Variants in MOSMO observed in about 807,000 individuals in gnomAD.
MOSMO encodes the protein modulator of smoothened protein.
A neutral mutation model predicts 18.4 loss-of-function variants in MOSMO; 5 were observed. The observed-to-expected ratio is 0.27, with a 90% CI of 0.14 to 0.57. The LOEUF (loss-of-function observed/expected upper bound fraction) is 0.57, where lower values mean the gene tolerates loss of function less well. MOSMO is among the 20% of genes least tolerant of loss of function. The probability of loss-of-function intolerance (pLI) is 0.92; values close to 1 mark genes in which losing one functional copy is unlikely to be tolerated. For synonymous variants in MOSMO, 82 were observed against 82.3 expected, an observed-to-expected ratio of 1.00 and a Z score of 0.02; for missense variants, 138 against 211.8, an observed-to-expected ratio of 0.65 and a Z score of 2.16.
chr16:22,024,658 C>T (rs1899839319), intron 1 of MOSMO, among the ~76,000 whole-genome samples: 1 of 152,104 alleles, frequency 6.6e-6, no homozygotes, highest in South Asian at 2.1e-4. Context: ...AGCCACTGCG[C>T]CTGGCCGAAA....
Position 22,053,628 on chromosome 16 carries a change from C to T in MOSMO, c.107-21859C>T, listed in dbSNP as rs941156040. ...GACCAGCCTGGCCAACATGGTGAAA[C>T]CCTTTCTCTACTAAAAATACAAACA... On this transcript the variant is annotated intron_variant, in intron 1 of 2. Coordinates refer to ENST00000542527, the MANE Select transcript of MOSMO (RefSeq NM_001164579.2). Among the ~76,000 whole-genome samples the T allele has an allele frequency of 2.6e-5, 4 of 152,078 alleles. No individual in the cohort carries two copies. The East Asian group carries it at 7.8e-4, about 30-fold the overall frequency.
chr16:22,039,600 G>A (rs1245808653), intron 1 of MOSMO, among the ~76,000 whole-genome samples: 1 of 152,212 alleles, frequency 6.6e-6, no homozygotes, highest in African/African-American at 2.4e-5. Flanking sequence ...GGGGGGCCAA[G>A]GTGGGAGGAT....
intron 1 of MOSMO, among the ~76,000 whole-genome samples, chr16:22,021,974 A>G (rs1263321796): frequency 1.3e-5 from 2 of 152,128 alleles, no homozygotes; most frequent in Non-Finnish European, 2.9e-5. Context: ...ATTAAAGTTA[A>G]TATATCTGAA....
Position 22,050,725 on chromosome 16 carries a change from T to A in MOSMO, c.107-24762T>A, listed in dbSNP as rs188699810. ...GGGGGACCCCATCTCCTTAAAAAAA[T>A]TTTTTTAAGTAGATGGATGTGGTGG... On this transcript the variant is annotated intron_variant, in intron 1 of 2. Coordinates refer to ENST00000542527, the MANE Select transcript of MOSMO (RefSeq NM_001164579.2). Among the ~76,000 whole-genome samples, 893 of 151,752 alleles carry A rather than the reference T, an allele frequency of 5.9e-3. 23 individuals are homozygous for A. Among genetic ancestry groups the A allele is most frequent in the Non-Finnish European group, 2.5e-3 (170 of 67,870 alleles).
intron 1 of MOSMO, among the ~76,000 whole-genome samples, chr16:22,049,443 A>T (rs1900380347): frequency 6.6e-6 from 1 of 152,120 alleles, no homozygotes. Flanking sequence ...TTCTTTGGTT[A>T]CTGGAAAGAC....
chr16:22,045,792 A>G (rs1331690065), intron 1 of MOSMO, among the ~76,000 whole-genome samples: 1 of 152,042 alleles, frequency 6.6e-6, no homozygotes, highest in Non-Finnish European at 1.5e-5. Flanking sequence ...GTAGTAACTC[A>G]TTTTGATTTC....
At chr16:22,012,249 G>C (rs1899547158) in intron 1 of MOSMO, among the ~76,000 whole-genome samples, 1 of 152,140 alleles carries the variant, frequency 6.6e-6, no homozygotes, top group South Asian at 2.1e-4. Flanking sequence ...CTAAGGGAAA[G>C]TTTCAGAATT....
chr16:22,008,719 G>T (rs1899448673), intron 1 of MOSMO, among the ~76,000 whole-genome samples: 1 of 149,514 alleles, frequency 6.7e-6, no homozygotes, highest in Non-Finnish European at 1.5e-5. Flanking sequence ...GTGAGGGATC[G>T]CAGAGGAATG....
chr16:22,061,711 C>G (rs1227843537), intron 1 of MOSMO, among the ~76,000 whole-genome samples: 3 of 152,194 alleles, frequency 2.0e-5, no homozygotes, highest in Non-Finnish European at 4.4e-5. Context: ...TGGTGTGGTG[C>G]TAGGCTTCTC....
At chr16:22,076,775 C>G (rs1423557143) in intron 2 of MOSMO, among the ~76,000 whole-genome samples, 1 of 152,160 alleles carries the variant, frequency 6.6e-6, no homozygotes, top group Non-Finnish European at 1.5e-5. Context: ...GAGTGATATT[C>G]CTTCATGAGC....
rs1268884037 is a variant in MOSMO at position 22,008,223 on chromosome 16, C to T, written c.-79C>T. On this transcript the variant is annotated 5_prime_UTR_variant, in exon 1 of 3. Coordinates refer to ENST00000542527, the MANE Select transcript of MOSMO (RefSeq NM_001164579.2). The stretch of plus-strand genomic sequence containing the variant: ...GCAGCGGCGCGGGGACTCCGGGCCC[C>T]GGCGGCGGCCCATGGGGCGGGAGGC... 4.0e-6 allele frequency: 3 copies of T among 745,566 alleles called. No individual in the cohort carries two copies. The highest frequency in any genetic ancestry group is 2.6e-5 in the South Asian group (1 of 38,472). The allele number at this position is 745,566 out of a possible 1,614,324, so 46.2% of individuals were successfully genotyped here.
intron 1 of MOSMO, among the ~76,000 whole-genome samples, chr16:22,025,660 G>C (rs1484685569): frequency 1.3e-5 from 2 of 152,182 alleles, no homozygotes; most frequent in Non-Finnish European, 2.9e-5. Flanking sequence ...CTCTCTTAAT[G>C]ATGGGATATA....
intron 1 of MOSMO, among the ~76,000 whole-genome samples, chr16:22,023,181 CAT>C (rs1159204737): frequency 6.6e-6 from 1 of 152,128 alleles, no homozygotes; most frequent in Non-Finnish European, 1.5e-5. Flanking sequence ...TGTAGACAGT[CAT>C]ATATCAGCCT....
intron 1 of MOSMO, among the ~76,000 whole-genome samples, chr16:22,072,476 TCTGA>T (rs1900874190): frequency 6.6e-6 from 1 of 152,216 alleles, no homozygotes; most frequent in African/African-American, 2.4e-5. Flanking sequence ...TTGTTGAATC[TCTGA>T]CTGCTACTAT....
chr16:22,074,348 T>A (rs1262614047), intron 1 of MOSMO, among the ~76,000 whole-genome samples: 1 of 152,090 alleles, frequency 6.6e-6, no homozygotes, highest in Non-Finnish European at 1.5e-5. Flanking sequence ...GGCGGGAGGA[T>A]CGCTTGAGAC....
At chr16:22,015,752 G>T (rs1899623790) in intron 1 of MOSMO, among the ~76,000 whole-genome samples, 1 of 152,048 alleles carries the variant, frequency 6.6e-6, no homozygotes, top group Non-Finnish European at 1.5e-5. Context: ...TACAACCTTA[G>T]TTCCAAACAT....
intron 1 of MOSMO, among the ~76,000 whole-genome samples, chr16:22,065,396 T>C (rs1217167020): frequency 6.6e-6 from 1 of 152,234 alleles, no homozygotes; most frequent in East Asian, 1.9e-4. Flanking sequence ...GCATTGGTAT[T>C]ACAATAAAAT....
intron 1 of MOSMO, among the ~76,000 whole-genome samples, chr16:22,047,429 A>G (rs571287818): frequency 6.6e-6 from 1 of 151,814 alleles, no homozygotes; most frequent in Non-Finnish European, 1.5e-5. Flanking sequence ...TATTTTTAGT[A>G]GAGACGGGGT....
At chr16:22,018,295 A>G (rs1241359508) in intron 1 of MOSMO, among the ~76,000 whole-genome samples, 1 of 152,170 alleles carries the variant, frequency 6.6e-6, no homozygotes, top group Non-Finnish European at 1.5e-5. Flanking sequence ...CATTATTGCA[A>G]TATATTCACA....
Sources: gnomAD v4.1 joint callset for allele counts (sites outside exome capture counted in the v4.1 genomes callset) on GRCh38, gnomAD v4.1.1 for gene constraint, MANE v1.5 for transcripts, NCBI Gene and HGNC (gene_info 2026-07-23, HGNC 2026-07-21) for gene names.